C22orf23: variants seen among roughly 807,000 people sequenced by gnomAD.
C22orf23 encodes the protein chromosome 22 open reading frame 23, also known as UPF0193 protein EVG1.
Under a neutral mutation model 29.7 loss-of-function variants are expected in C22orf23, and 30 were observed. The observed-to-expected ratio is 1.01, with a 90% CI of 0.76 to 1.37. C22orf23 has a LOEUF of 1.37. C22orf23 is among the 40% of genes most tolerant of loss of function. The pLI, the probability that C22orf23 is intolerant of heterozygous loss-of-function variation, is 0.00. For synonymous variants in C22orf23, 90 were observed against 96.1 expected (o/e 0.94, Z 0.37); for missense variants, 237 against 273.1 (o/e 0.87, Z 0.93).
At chr22:37,947,501 GCTTT>G (rs1569156491) in intron 3 of C22orf23, 38 bp from the exon 4 acceptor site, 13 of 974,084 alleles carry the variant, frequency 1.3e-5, no homozygotes, top group East Asian at 7.2e-5. Context: ...GACCCACATG[GCTTT>G]TTTTTTTTTT....
chr22:37,944,339 C>T (rs1930563143), intron 6 of C22orf23, 78 bp downstream of exon 6: 8 of 1,613,274 alleles, frequency 5.0e-6, no homozygotes, highest in Non-Finnish European at 6.8e-6. Context: ...CTGAACCCTG[C>T]CACAGCAGAC....
rs1212958924 is a variant in C22orf23 at position 37,944,461 on chromosome 22, G to A, written c.538C>T (p.Gln180Ter). 7 of 1,613,996 alleles carry A rather than the reference G, an allele frequency of 4.3e-6. No homozygotes were observed. Among genetic ancestry groups the A allele is most frequent in the Non-Finnish European group, 5.9e-6 (7 of 1,180,030 alleles). ...EFLADMEALG[Q>*]GKQYRGIILA... ...ATGATTCCTCGGTACTGTTTGCCCT[G>A]TCCCAGGGCCTCCATGTCAGCCAGG... The change falls in exon 6 of 7, where the codon CAG becomes TAG. Residue 180 changes from glutamine to a stop codon, truncating the protein, a stop_gained. Transcript: ENST00000403305. LOFTEE classifies it high-confidence loss of function.
intron 2 of C22orf23, 30 bp from the exon 3 acceptor site, chr22:37,951,552 TTGGG>T (rs1307376579): frequency 4.4e-6 from 7 of 1,607,288 alleles, no homozygotes; most frequent in Admixed American, 1.7e-5. Flanking sequence ...ATGAGGCCTC[TTGGG>T]CTGCAGGCGG....
Position 37,951,445 on chromosome 22 carries a change from T to G in C22orf23, c.166+15A>C, listed in dbSNP as rs1569158059. 2 of 1,612,574 alleles carry G rather than the reference T, an allele frequency of 1.2e-6. No individual in the cohort carries two copies. Among genetic ancestry groups the G allele is most frequent in the Middle Eastern group, 1.7e-4 (1 of 6,060 alleles). On this transcript the variant is annotated intron_variant, in intron 3 of 6. Coordinates refer to ENST00000403305, the MANE Select transcript of C22orf23 (RefSeq NM_032561.5). ...GATCCCTCTGTCCAGGAAGCCTCTG[T>G]GGACTGCCCCTTACTTTTCATGATG...
rs1213063896 is a variant in C22orf23 at position 37,950,177 on chromosome 22, G to A, written c.166+1283C>T. Among the ~76,000 whole-genome samples, 3 of 151,068 alleles carry A rather than the reference G, an allele frequency of 2.0e-5. No individual in the cohort carries two copies. The East Asian group carries it at 5.9e-4, about 30-fold the overall frequency. On this transcript the variant is annotated intron_variant, in intron 3 of 6. Coordinates refer to ENST00000403305, the MANE Select transcript of C22orf23 (RefSeq NM_032561.5). ...ACCCACACTGGAGTGCAGTGGTATGGTCTCGGCTCGCTGCACCCTCTGCCT... is the reference window on the plus strand; with the variant it reads ...ACCCACACTGGAGTGCAGTGGTATGATCTCGGCTCGCTGCACCCTCTGCCT...
chr22:37,943,128 AT>A lies in C22orf23; in HGVS notation c.*1046del, dbSNP rs1412525021. The stretch of plus-strand genomic sequence containing the variant: ...TCCAGGTGCCCGAGACAAGGTTGAT[AT>A]TTCCAAAATATTTTGGTGATTTAGT... On this transcript the variant is annotated 3_prime_UTR_variant, in exon 7 of 7. Transcript: ENST00000403305. 6.6e-6 allele frequency: 1 copy of A among 151,922 alleles called. No homozygotes were observed. Among genetic ancestry groups the A allele is most frequent in the Non-Finnish European group, 1.5e-5 (1 of 68,012 alleles). The allele number at this position is 151,922 out of a possible 1,614,324, so 9.4% of individuals were successfully genotyped here.
rs915374237 is a variant in C22orf23 at position 37,944,768 on chromosome 22, G to A, written c.482-251C>T. On this transcript the variant is annotated intron_variant, in intron 5 of 6. Coordinates refer to ENST00000403305, the MANE Select transcript of C22orf23 (RefSeq NM_032561.5). ...ACAAAAATTAGCCAGGCATGGTGGC[G>A]GGCGCTGGTAATCCCAGCTACTCAG... 30 of 565,200 alleles carry A rather than the reference G, an allele frequency of 5.3e-5. No individual in the cohort carries two copies. In the Middle Eastern group the frequency reaches 1.9e-3, roughly 36 times the overall value. The allele number at this position is 565,200 out of a possible 1,614,324, so 35.0% of individuals were successfully genotyped here. A position where few individuals can be genotyped will look rare whatever the true frequency, so the allele number is the denominator to read the frequency against.
rs1348235084 is a variant in C22orf23, at chr22:37,953,063, G to A, written c.87C>T (p.Thr29=). The change falls in exon 2 of 7, where the codon ACC becomes ACT. Residue 29 remains threonine (T), a synonymous_variant. Transcript: ENST00000403305. Reference sequence around the variant, plus strand: ...CGGACTGACCTCTGAGCAGCTCGCAGGTCCCCGGGGTGTAAGTGATGGTCT... The same window carrying A: ...CGGACTGACCTCTGAGCAGCTCGCAAGTCCCCGGGGTGTAAGTGATGGTCT... ...RPKTITYTPG[T]CELLRVMMKE... is the part of the protein sequence containing the mutation. 1.2e-6 allele frequency: 2 copies of A among 1,613,736 alleles called. No individual in the cohort carries two copies. Among genetic ancestry groups the A allele is most frequent in the Admixed American group, 1.7e-5 (1 of 59,982 alleles).
intron 4 of C22orf23, 74 bp from the exon 5 acceptor site, chr22:37,945,247 C>T: frequency 2.6e-6 from 4 of 1,543,988 alleles, no homozygotes; most frequent in Middle Eastern, 3.8e-4. Context: ...TTCCCAAGTG[C>T]ACGTGCTTGC....
At chr22:37,952,342 A>G (rs1931100446) in intron 2 of C22orf23, among the ~76,000 whole-genome samples, 1 of 152,182 alleles carries the variant, frequency 6.6e-6, no homozygotes. Context: ...AACTGACTAC[A>G]GCTTGTGCTA....
rs1043191733 is a variant in C22orf23, at chr22:37,953,577, G to C, written c.-139C>G. 3.3e-6 allele frequency: 2 copies of C among 598,670 alleles called. No individual in the cohort carries two copies. The highest frequency in any genetic ancestry group is 5.7e-6 in the Non-Finnish European group (2 of 350,148). The allele number at this position is 598,670 out of a possible 1,614,324, so 37.1% of individuals were successfully genotyped here. The stretch of plus-strand genomic sequence containing the variant: ...CTGCGCGATCTGGGCTGCTGGAGCT[G>C]GCAGCTAGCGCCTCTCGCTACTATA... On this transcript the variant is annotated 5_prime_UTR_variant, in exon 1 of 7. Transcript: ENST00000403305.
intron 3 of C22orf23, 138 bp from the exon 4 acceptor site, chr22:37,947,601 C>T (rs1024720839): frequency 9.0e-6 from 6 of 667,862 alleles, no homozygotes; most frequent in Non-Finnish European, 1.4e-5. Flanking sequence ...ACCTCTGCCT[C>T]TTAGGTTCAA....
chr22:37,944,537 G>A lies in C22orf23; in HGVS notation c.482-20C>T, dbSNP rs781414958. Reference sequence around the variant, plus strand: ...TCACCACTGGACAGAGGAGAGGGCTGTCAGGTTCCCATGAGGGATGCAGGC... The same window carrying A: ...TCACCACTGGACAGAGGAGAGGGCTATCAGGTTCCCATGAGGGATGCAGGC... On this transcript the variant is annotated intron_variant, in intron 5 of 6. Coordinates refer to ENST00000403305, the MANE Select transcript of C22orf23 (RefSeq NM_032561.5). 2.5e-6 allele frequency: 4 copies of A among 1,603,450 alleles called. No homozygotes were observed. Among genetic ancestry groups the A allele is most frequent in the South Asian group, 1.1e-5 (1 of 90,826 alleles).
intron 4 of C22orf23, among the ~76,000 whole-genome samples, chr22:37,945,805 A>G (rs1325905860): frequency 7.8e-6 from 1 of 128,466 alleles, no homozygotes; most frequent in African/African-American, 3.0e-5. Flanking sequence ...CCGATATCCT[A>G]TCTCTAAAAA....
intron 2 of C22orf23, chr22:37,952,735 A>G (rs1931134879): frequency 3.5e-6 from 1 of 283,146 alleles, no homozygotes; most frequent in Non-Finnish European, 6.8e-6. Flanking sequence ...GTGGACTGGT[A>G]CCAGTCCCTG....
chr22:37,952,959 C>A (rs1931153435), intron 2 of C22orf23, 88 bp downstream of exon 2: 2 of 918,764 alleles, frequency 2.2e-6, no homozygotes, highest in East Asian at 4.8e-5. Flanking sequence ...GAAACCATTC[C>A]CCACACCTCC....
intron 4 of C22orf23, among the ~76,000 whole-genome samples, chr22:37,946,085 C>T (rs1245895805): frequency 1.3e-5 from 2 of 151,758 alleles, no homozygotes; most frequent in African/African-American, 4.8e-5. Flanking sequence ...GGTGAGACCC[C>T]ACCTCTACTA....
intron 3 of C22orf23, among the ~76,000 whole-genome samples, chr22:37,949,357 C>G (rs1259012539): frequency 6.7e-6 from 1 of 150,134 alleles, no homozygotes; most frequent in East Asian, 2.0e-4. Context: ...GATCTTGGCT[C>G]TCTGCAACCT....
Position 37,953,121 on chromosome 22 carries a change from A to G in C22orf23, c.29T>C (p.Val10Ala). The change falls in exon 2 of 7, where the codon GTG becomes GCG. Residue 10 changes from valine to alanine, a missense_variant. Val to Ala is a moderately conservative substitution (Grantham distance 64). Transcript: ENST00000403305. Reference protein sequence around the residue: MASQKQMEVVTKGTGFRRRP... With the variant: MASQKQMEVATKGTGFRRRP... ...GCGCCGGAACCCAGTTCCTTTGGTC[A>G]CTACCTCCATCTGCTTCTGTGAAGC... 1 of 1,613,912 alleles carries G rather than the reference A, an allele frequency of 6.2e-7. No individual in the cohort carries two copies. Among genetic ancestry groups the G allele is most frequent in the Non-Finnish European group, 8.5e-7 (1 of 1,179,912 alleles).
Sources: allele counts gnomAD v4.1 joint callset (sites outside exome capture counted in the v4.1 genomes callset), GRCh38; gene constraint gnomAD v4.1.1; transcripts MANE v1.5; gene names NCBI Gene and HGNC (gene_info 2026-07-23, HGNC 2026-07-21).